The following ANKS6 variants were observed in gnomAD, a reference collection of about 807,000 sequenced individuals.
The protein encoded by ANKS6 is ankyrin repeat and sterile alpha motif domain containing 6.
A neutral mutation model predicts 77.9 loss-of-function variants in ANKS6; 47 were observed. The ratio of observed to expected loss-of-function variants is 0.60; its 90% CI spans 0.48 to 0.77. The LOEUF (loss-of-function observed/expected upper bound fraction) is 0.77. Among genes scored for constraint, ANKS6 ranks in the 30% least tolerant of loss-of-function variants. The pLI, the probability that ANKS6 is intolerant of heterozygous loss-of-function variation, is 0.00. For synonymous variants in ANKS6, 488 were observed against 501.7 expected (o/e 0.97, Z 0.37); for missense variants, 1,150 against 1,159.1 (o/e 0.99, Z 0.11).
chr9:98,781,198 GTTAT>G (rs1346043105), intron 5 of ANKS6, among the ~76,000 whole-genome samples: 1 of 152,156 alleles, frequency 6.6e-6, no homozygotes, highest in African/African-American at 2.4e-5. Context: ...TCCACGCCAG[GTTAT>G]TTCTTTTTTC....
chr9:98,744,384 C>T (rs1392537343), intron 14 of ANKS6, among the ~76,000 whole-genome samples: 2 of 152,152 alleles, frequency 1.3e-5, no homozygotes, highest in Non-Finnish European at 2.9e-5. Flanking sequence ...GCCAGGAGGC[C>T]TCGGTTTAGC....
intron 2 of ANKS6, among the ~76,000 whole-genome samples, chr9:98,785,873 A>C (rs1338388132): frequency 6.6e-6 from 1 of 152,150 alleles, no homozygotes; most frequent in Non-Finnish European, 1.5e-5. Flanking sequence ...CTTCATCACA[A>C]ATGTGGGGAT....
Position 98,770,989 on chromosome 9 carries a change from T to C in ANKS6, c.1879A>G (p.Asn627Asp), listed in dbSNP as rs1222259874. 9.4e-6 allele frequency: 15 copies of C among 1,597,218 alleles called. No homozygotes were observed. The highest frequency in any genetic ancestry group is 1.2e-5 in the Non-Finnish European group (14 of 1,171,820). ...GGCGAGTGGTTGAAGTTTCCAGAAT[T>C]GGCAGAAGAGGCTGGGCTTCTGGGG... is the stretch of plus-strand genomic sequence containing the variant. Reference protein sequence around the residue: ...SLPRSPASSANSGNFNHSPHS... With the variant: ...SLPRSPASSADSGNFNHSPHS... Residue 627 changes from asparagine to aspartate, a missense_variant, in exon 10 of 15, where the codon AAT becomes GAT. By Grantham distance (23) the Asn-to-Asp change is conservative. Coordinates refer to ENST00000353234, the MANE Select transcript of ANKS6 (RefSeq NM_173551.5).
chr9:98,768,284 C>G (rs375865286), intron 10 of ANKS6, 34 bp from the exon 11 acceptor site: 12 of 1,611,718 alleles, frequency 7.4e-6, no homozygotes, highest in Non-Finnish European at 1.0e-5. Context: ...ACACCATGGG[C>G]ACAGAGGGCT....
intron 11 of ANKS6, among the ~76,000 whole-genome samples, chr9:98,761,468 T>C (rs1480387924): frequency 1.3e-5 from 2 of 152,340 alleles, no homozygotes; most frequent in East Asian, 3.9e-4. Context: ...ATCTATGATT[T>C]GAAAATATTC....
In ANKS6 at chr9:98,770,892, T is replaced by C; in HGVS notation, c.1972+4A>G. ...TCCCTGAGTGGCCCTGCCCAGCTACTCACCTGAGCGGTTAAGCAGCTCCCC... is the reference window on the plus strand; with the variant it reads ...TCCCTGAGTGGCCCTGCCCAGCTACCCACCTGAGCGGTTAAGCAGCTCCCC... On this transcript the variant is annotated splice_donor_region_variant and intron_variant, in intron 10 of 14. Coordinates refer to ENST00000353234, the MANE Select transcript of ANKS6 (RefSeq NM_173551.5). 1 of 1,470,162 alleles carries C rather than the reference T, an allele frequency of 6.8e-7. No homozygotes were observed. Among genetic ancestry groups the C allele is most frequent in the Non-Finnish European group, 9.1e-7 (1 of 1,102,758 alleles). 91.1% of individuals were successfully genotyped at this position (1,470,162 alleles called of 1,614,324 possible).
intron 10 of ANKS6, among the ~76,000 whole-genome samples, chr9:98,769,126 A>AG (rs1202244688): frequency 5.8e-5 from 8 of 138,718 alleles, no homozygotes; most frequent in Non-Finnish European, 9.6e-5. Context: ...TCTGTCTCAA[A>AG]GAAAAAAAAA....
intron 2 of ANKS6, among the ~76,000 whole-genome samples, chr9:98,787,907 T>C: frequency 6.6e-6 from 1 of 152,290 alleles, no homozygotes; most frequent in East Asian, 1.9e-4. Context: ...TATGGAGTAA[T>C]CCACTTCCCA....
chr9:98,743,038 C>T (rs1008623849), intron 14 of ANKS6, among the ~76,000 whole-genome samples: 5 of 152,170 alleles, frequency 3.3e-5, no homozygotes, highest in Admixed American at 6.5e-5. Context: ...CCAAGGAGGC[C>T]GTAGCCACAG....
chr9:98,774,823 A>C (rs774358779), intron 8 of ANKS6, among the ~76,000 whole-genome samples: 15 of 152,260 alleles, frequency 9.9e-5, no homozygotes, highest in Non-Finnish European at 1.5e-4. Flanking sequence ...TTAATTAAGA[A>C]AAATAGTGAA....
rs1408806294 is a variant in ANKS6 at position 98,796,512 on chromosome 9, C to G, written c.-21G>C. The G allele has an allele frequency of 7.1e-6, 7 of 984,354 alleles. No homozygotes were observed. The highest frequency in any genetic ancestry group is 8.4e-6 in the Non-Finnish European group (7 of 830,036). 61.0% of individuals were successfully genotyped at this position (984,354 alleles called of 1,614,324 possible). ...CCCATCGCCGCCGCCACGCGCGGCC[C>G]GCTCCCGTCCGCCCCGCCGGCCGCG... On this transcript the variant is annotated 5_prime_UTR_variant, in exon 1 of 15. Coordinates refer to ENST00000353234, the MANE Select transcript of ANKS6 (RefSeq NM_173551.5).
chr9:98,735,792 T>C lies in ANKS6; in HGVS notation c.*727A>G. On this transcript the variant is annotated 3_prime_UTR_variant, in exon 15 of 15. Transcript: ENST00000353234. ...AGACTCTCTTTGCAATAAAGAAAAA[T>C]GCGTTTGACATACACATCTCCAATG... 1 of 1,231,674 alleles carries C rather than the reference T, an allele frequency of 8.1e-7. No individual in the cohort carries two copies. The highest frequency in any genetic ancestry group is 4.1e-5 in the South Asian group (1 of 24,322). 76.3% of individuals were successfully genotyped at this position (1,231,674 alleles called of 1,614,324 possible).
At chr9:98,792,329 G>A (rs1834944141) in intron 1 of ANKS6, among the ~76,000 whole-genome samples, 2 of 151,996 alleles carry the variant, frequency 1.3e-5, no homozygotes, top group African/African-American at 4.8e-5. Context: ...AATTCCACGG[G>A]CTCGCCTCTG....
At chr9:98,763,938 T>A (rs554452992) in intron 11 of ANKS6, among the ~76,000 whole-genome samples, 9 of 152,248 alleles carry the variant, frequency 5.9e-5, no homozygotes, top group African/African-American at 1.4e-4. Flanking sequence ...ATAGAACACC[T>A]GAATAGTCCT....
At position 98,782,483 on chromosome 9, in the gene ANKS6, C is replaced by T; in HGVS notation, c.1203G>A (p.Met401Ile). Residue 401 changes from methionine to isoleucine, a missense_variant, in exon 5 of 15, where the codon ATG becomes ATA. By Grantham distance (10) the Met-to-Ile change is conservative. Coordinates refer to ENST00000353234, the MANE Select transcript of ANKS6 (RefSeq NM_173551.5). ...ATTACCTACCGGGATCATTCAGCAG[C>T]ATCACCAGGTCAAAGGCCGTGTATC... ...KNGYTAFDLVMLLNDPDTELV... is the reference protein window; with the variant it reads ...KNGYTAFDLVILLNDPDTELV... The T allele has an allele frequency of 6.2e-7, 1 of 1,614,066 alleles. No individual in the cohort carries two copies. Among genetic ancestry groups the T allele is most frequent in the Non-Finnish European group, 8.5e-7 (1 of 1,179,912 alleles).
At chr9:98,764,168 C>A (rs1833152774) in intron 11 of ANKS6, among the ~76,000 whole-genome samples, 1 of 152,160 alleles carries the variant, frequency 6.6e-6, no homozygotes, top group Non-Finnish European at 1.5e-5. Flanking sequence ...AAAGATGTCA[C>A]AACACTGTCT....
chr9:98,744,451 CTG>C (rs1228768209), intron 14 of ANKS6, among the ~76,000 whole-genome samples: 2 of 152,224 alleles, frequency 1.3e-5, no homozygotes, highest in Non-Finnish European at 2.9e-5. Context: ...CCTCCCTAGA[CTG>C]TGCACCCTCA....
rs757731263 is a variant in ANKS6, at chr9:98,784,081, C to T, written c.984G>A (p.Thr328=). ...HVNLVNGDGA[T]PLMLAAVTGQ... is the part of the protein sequence containing the mutation. Reference sequence around the variant, plus strand: ...CCGTAACAGCTGCTAGCATCAGTGGCGTCGCCCCGTCCCCATTGACCAAGT... The same window carrying T: ...CCGTAACAGCTGCTAGCATCAGTGGTGTCGCCCCGTCCCCATTGACCAAGT... Residue 328 remains threonine (T), a synonymous_variant, in exon 4 of 15, where the codon ACG becomes ACA. Transcript: ENST00000353234. 2.6e-5 allele frequency: 42 copies of T among 1,605,862 alleles called. No homozygotes were observed. Among genetic ancestry groups the T allele is most frequent in the Middle Eastern group, 3.3e-4 (2 of 6,038 alleles).
At chr9:98,787,039 C>T (rs1834611313) in intron 2 of ANKS6, among the ~76,000 whole-genome samples, 1 of 152,318 alleles carries the variant, frequency 6.6e-6, no homozygotes, top group South Asian at 2.1e-4. Context: ...TCAGAGGTGT[C>T]GCAATGACAG....
Sources: allele counts gnomAD v4.1 joint callset (sites outside exome capture counted in the v4.1 genomes callset), GRCh38; gene constraint gnomAD v4.1.1; transcripts MANE v1.5; gene names NCBI Gene and HGNC (gene_info 2026-07-23, HGNC 2026-07-21).